ADAMTS3: variants seen among roughly 807,000 people sequenced by gnomAD.
The protein encoded by ADAMTS3 is A disintegrin and metalloproteinase with thrombospondin motifs 3.
In ADAMTS3, 73 loss-of-function variants were observed where a neutral mutation model predicts 129.0. That is an observed-to-expected ratio of 0.57 (90% CI 0.47 to 0.69). ADAMTS3 has a LOEUF of 0.69. ADAMTS3 is among the 30% of genes least tolerant of loss of function. ADAMTS3 has a pLI of 0.00. For synonymous variants in ADAMTS3, 477 were observed against 510.8 expected (o/e 0.93, Z 0.89); for missense variants, 1,457 against 1,514.5 (o/e 0.96, Z 0.63).
At chr4:72,499,432 C>T (rs1578736790) in intron 3 of ADAMTS3, among the ~76,000 whole-genome samples, 1 of 152,074 alleles carries the variant, frequency 6.6e-6, no homozygotes, top group South Asian at 2.1e-4. Context: ...ATTATTTATA[C>T]AAGTCAATAT....
At chr4:72,551,060 T>G (rs1721634960) in intron 2 of ADAMTS3, among the ~76,000 whole-genome samples, 1 of 152,180 alleles carries the variant, frequency 6.6e-6, no homozygotes, top group Admixed American at 6.5e-5. Context: ...ACAAGACACA[T>G]TACCCAGGCC....
chr4:72,555,290 CA>C (rs200768867), intron 2 of ADAMTS3, among the ~76,000 whole-genome samples: 4,547 of 151,780 alleles, frequency 0.03, 358 homozygotes, highest in African/African-American at 0.11. Context: ...TATCATCTCT[CA>C]TATTAGCCTA....
rs1721598315 is a variant in ADAMTS3, at chr4:72,550,058, G to A, written c.98-1174C>T. On this transcript the variant is annotated intron_variant, in intron 2 of 21. Coordinates refer to ENST00000286657, the MANE Select transcript of ADAMTS3 (RefSeq NM_014243.3). ...AGAAGAAGAAGAGGAAGAGGAAGAGGAAGAGGAAGAGGAAGAGGAAGAGGA... is the reference window on the plus strand; with the variant it reads ...AGAAGAAGAAGAGGAAGAGGAAGAGAAAGAGGAAGAGGAAGAGGAAGAGGA... 1.6e-4 allele frequency among the ~76,000 whole-genome samples: 2 copies of A among 12,372 alleles called. 1 individual carries two copies. Among genetic ancestry groups the A allele is most frequent in the African/African-American group, 5.7e-4 (2 of 3,506 alleles). 8.1% of individuals were successfully genotyped at this position (12,372 alleles called of 152,430 possible).
chr4:72,357,667 C>T (rs992937273), intron 4 of ADAMTS3, among the ~76,000 whole-genome samples: 2 of 151,780 alleles, frequency 1.3e-5, no homozygotes, highest in Admixed American at 6.6e-5. Flanking sequence ...ATAGTAATTA[C>T]CTTTGGTAGG....
At chr4:72,544,508 T>G (rs1263515652) in intron 3 of ADAMTS3, among the ~76,000 whole-genome samples, 1 of 152,190 alleles carries the variant, frequency 6.6e-6, no homozygotes, top group African/African-American at 2.4e-5. Flanking sequence ...TGGATCAGGA[T>G]TCCTAGAATT....
Position 72,320,867 on chromosome 4 carries a change from T to C in ADAMTS3, c.949A>G (p.Ile317Val), listed in dbSNP as rs150114537. 16 of 1,613,262 alleles carry C rather than the reference T, an allele frequency of 9.9e-6. No homozygotes were observed. The African/African-American group carries it at 1.9e-4, about 19-fold the overall frequency. ...GGGTTTCCCCTTTCTATGAGGCTGATGGACTAAGTGAAAACAATATGTTAA... is the reference window on the plus strand; with the variant it reads ...GGGTTTCCCCTTTCTATGAGGCTGACGGACTAAGTGAAAACAATATGTTAA... ...RMIMLGYAKS[I>V]SLIERGNPSR... The change falls in exon 7 of 22, where the codon ATC (isoleucine) becomes GTC (valine). Residue 317 changes from isoleucine (I) to valine (V), a missense_variant. Transcript: ENST00000286657.
intron 4 of ADAMTS3, among the ~76,000 whole-genome samples, chr4:72,368,522 G>C (rs1490027989): frequency 6.6e-6 from 1 of 152,092 alleles, no homozygotes; most frequent in Non-Finnish European, 1.5e-5. Flanking sequence ...GTCTCAACAT[G>C]GCTTCCCAAT....
At chr4:72,392,686 C>T (rs1721627727) in intron 4 of ADAMTS3, among the ~76,000 whole-genome samples, 1 of 151,594 alleles carries the variant, frequency 6.6e-6, no homozygotes, top group Non-Finnish European at 1.5e-5. Context: ...GACTTCTTTG[C>T]CTAAAGAGGA....
chr4:72,404,730 G>A (rs777279028), intron 4 of ADAMTS3, among the ~76,000 whole-genome samples: 2 of 151,832 alleles, frequency 1.3e-5, no homozygotes, highest in African/African-American at 2.4e-5. Flanking sequence ...TAGAATGGGA[G>A]AAAATATTTG....
intron 4 of ADAMTS3, among the ~76,000 whole-genome samples, chr4:72,402,170 C>A (rs1314448002): frequency 6.6e-6 from 1 of 152,148 alleles, no homozygotes; most frequent in Non-Finnish European, 1.5e-5. Flanking sequence ...CCTCCTTTCT[C>A]CCAGTCATTG....
At chr4:72,439,433 T>A (rs1026407348) in intron 3 of ADAMTS3, among the ~76,000 whole-genome samples, 2 of 151,698 alleles carry the variant, frequency 1.3e-5, no homozygotes, top group Non-Finnish European at 3.0e-5. Flanking sequence ...TAAAATTGCA[T>A]GAGTAAGGCC....
At position 72,306,061 on chromosome 4, in the gene ADAMTS3, A is replaced by G; in HGVS notation, c.2186T>C (p.Leu729Pro). The change falls in exon 16 of 22, where the codon CTT becomes CCT. Residue 729 changes from leucine to proline, a missense_variant. Leu to Pro is a moderately conservative substitution (Grantham distance 98). Transcript: ENST00000286657. ...FTRTPRKLGY[L>P]KMFDIPPGAR... ...CCCAGGGGGTATATCAAACATCTTAAGGTACCCTTTGCATGTGTAGTAAAT... is the reference window on the plus strand; with the variant it reads ...CCCAGGGGGTATATCAAACATCTTAGGGTACCCTTTGCATGTGTAGTAAAT... 6.2e-7 allele frequency: 1 copy of G among 1,602,396 alleles called. No homozygotes were observed. The highest frequency in any genetic ancestry group is 8.5e-7 in the Non-Finnish European group (1 of 1,175,520).
intron 5 of ADAMTS3, among the ~76,000 whole-genome samples, chr4:72,327,136 T>C (rs1341832419): frequency 6.6e-6 from 1 of 152,162 alleles, no homozygotes; most frequent in Non-Finnish European, 1.5e-5. Context: ...TATTTAGACT[T>C]TTTAAAATGT....
Position 72,295,912 on chromosome 4 carries a change from C to T in ADAMTS3, c.2591-126G>A, listed in dbSNP as rs966066999. On this transcript the variant is annotated intron_variant, in intron 18 of 21. Coordinates refer to ENST00000286657, the MANE Select transcript of ADAMTS3 (RefSeq NM_014243.3). ...TAAATATGTATTGAGTGCATACAAA[C>T]CGGCACTTCAATAGGTGCTGAAGGT... 5 of 1,182,722 alleles carry T rather than the reference C, an allele frequency of 4.2e-6. No individual in the cohort carries two copies. The African/African-American group carries it at 6.1e-5, about 15-fold the overall frequency. 73.3% of individuals were successfully genotyped at this position (1,182,722 alleles called of 1,614,324 possible).
intron 2 of ADAMTS3, among the ~76,000 whole-genome samples, chr4:72,556,297 A>C (rs749275951): frequency 4.0e-5 from 6 of 151,776 alleles, no homozygotes; most frequent in Admixed American, 2.0e-4. Flanking sequence ...ATGTTCAGCC[A>C]GATATGCTAC....
intron 4 of ADAMTS3, among the ~76,000 whole-genome samples, chr4:72,366,604 G>A (rs907353404): frequency 2.0e-5 from 3 of 151,992 alleles, no homozygotes; most frequent in African/African-American, 7.2e-5. Context: ...CCATATCTAA[G>A]GGGACTTCAT....
chr4:72,451,474 G>A (rs1419512885), intron 3 of ADAMTS3, among the ~76,000 whole-genome samples: 1 of 151,724 alleles, frequency 6.6e-6, no homozygotes, highest in East Asian at 2.0e-4. Context: ...TTAAAAGATA[G>A]GCATGGAAGC....
intron 4 of ADAMTS3, among the ~76,000 whole-genome samples, chr4:72,399,717 C>T (rs1368703280): frequency 2.5e-5 from 3 of 121,236 alleles, no homozygotes; most frequent in Non-Finnish European, 3.5e-5. Flanking sequence ...GGTGTGTACG[C>T]ATATGTGTGT....
In ADAMTS3 at chr4:72,387,485, C is replaced by G. The variant is rs79059231; in HGVS notation, c.661+27330G>C. Among the ~76,000 whole-genome samples the G allele has an allele frequency of 7.6e-3, 1,162 of 152,200 alleles. 6 individuals are homozygous for G. The highest frequency in any genetic ancestry group is 0.011 in the Non-Finnish European group (757 of 68,010). On this transcript the variant is annotated intron_variant, in intron 4 of 21. Transcript: ENST00000286657. ...TTTCACAGATAATGATATGCCAAAC[C>G]AGGTACTATTCAACTGCCAGTTCTT...
Sources: allele counts gnomAD v4.1 joint callset (sites outside exome capture counted in the v4.1 genomes callset), GRCh38; gene constraint gnomAD v4.1.1; transcripts MANE v1.5; gene names NCBI Gene and HGNC (gene_info 2026-07-23, HGNC 2026-07-21).